Variants in UGT2A2 observed in about 807,000 individuals in gnomAD.
The protein encoded by UGT2A2 is UDP-glucuronosyltransferase 2A2.
In UGT2A2, 60 loss-of-function variants were observed where a neutral mutation model predicts 50.7. That is an observed-to-expected ratio of 1.18 (90% CI 0.96 to 1.47). UGT2A2 has a LOEUF of 1.47. Ranked by LOEUF, UGT2A2 falls within the 40% of genes most tolerant of loss-of-function variation. UGT2A2 has a pLI of 0.00. For missense variants in UGT2A2, 762 were observed against 634.0 expected, an observed-to-expected ratio of 1.20 and a Z score of -2.17; for synonymous variants, 242 against 214.6, an observed-to-expected ratio of 1.13 and a Z score of -1.11.
intron 1 of UGT2A2, among the ~76,000 whole-genome samples, chr4:69,609,439 A>T (rs1422101177): frequency 6.6e-6 from 1 of 152,016 alleles, no homozygotes; most frequent in East Asian, 1.9e-4. Flanking sequence ...GGCTCAAGTG[A>T]TATACCTTGG....
intron 1 of UGT2A2, among the ~76,000 whole-genome samples, chr4:69,611,253 C>A (rs1720027776): frequency 8.7e-6 from 1 of 115,596 alleles, no homozygotes; most frequent in Non-Finnish European, 1.9e-5. Flanking sequence ...TCAAGCAATC[C>A]TCCTACCTCA....
At chr4:69,595,047 G>A in intron 4 of UGT2A2, 115 bp downstream of exon 4, 2 of 1,367,134 alleles carry the variant, frequency 1.5e-6, no homozygotes, top group Non-Finnish European at 2.0e-6. Flanking sequence ...CTTTAAAATT[G>A]AGTGTCAAAT....
rs543997228 is a variant in UGT2A2, at chr4:69,588,452, T to C, written c.*920A>G. 87 of 152,246 alleles carry C rather than the reference T, an allele frequency of 5.7e-4. No homozygotes were observed. Among genetic ancestry groups the C allele is most frequent in the African/African-American group, 2.0e-3 (83 of 41,582 alleles). The allele number at this position is 152,246 out of a possible 1,614,324, so 9.4% of individuals were successfully genotyped here. A position where few individuals can be genotyped will look rare whatever the true frequency, so the allele number is the denominator to read the frequency against. On this transcript the variant is annotated 3_prime_UTR_variant, in exon 6 of 6. Coordinates refer to ENST00000604629, the MANE Select transcript of UGT2A2 (RefSeq NM_001105677.2). ...AGTAAGCATTTTTTATTTTTTGGCA[T>C]AAAATTAAACTTTTGATTACAAATA... is the stretch of plus-strand genomic sequence containing the variant.
chr4:69,608,612 G>A (rs1159874788), intron 1 of UGT2A2, among the ~76,000 whole-genome samples: 3 of 151,864 alleles, frequency 2.0e-5, no homozygotes, highest in African/African-American at 4.8e-5. Context: ...AGGGAGTCAG[G>A]GAAGAAGGAA....
intron 1 of UGT2A2, among the ~76,000 whole-genome samples, chr4:69,629,699 G>T (rs1432428333): frequency 6.6e-6 from 1 of 152,050 alleles, no homozygotes; most frequent in African/African-American, 2.4e-5. Flanking sequence ...TCTACTGGAA[G>T]AGGACCCCTG....
chr4:69,592,044 A>G lies in UGT2A2; in HGVS notation c.1332-2393T>C, dbSNP rs921202444. Among the ~76,000 whole-genome samples, 3 of 152,202 alleles carry G rather than the reference A, an allele frequency of 2.0e-5. No individual in the cohort carries two copies. The East Asian group carries it at 5.8e-4, about 29-fold the overall frequency. On this transcript the variant is annotated intron_variant, in intron 5 of 5. Transcript: ENST00000604629. ...TGGACAACCAGGGCTGAGTCTTGGTATGAATCTAAACCAACTGTTGAGTGT... is the reference window on the plus strand; with the variant it reads ...TGGACAACCAGGGCTGAGTCTTGGTGTGAATCTAAACCAACTGTTGAGTGT...
chr4:69,617,534 C>G (rs528439860), intron 1 of UGT2A2, among the ~76,000 whole-genome samples: 1 of 151,878 alleles, frequency 6.6e-6, no homozygotes, highest in Non-Finnish European at 1.5e-5. Flanking sequence ...AATATTGTAG[C>G]CATTCTCTAA....
intron 1 of UGT2A2, among the ~76,000 whole-genome samples, chr4:69,607,038 T>G (rs1422283464): frequency 7.5e-6 from 1 of 133,726 alleles, no homozygotes; most frequent in Non-Finnish European, 1.6e-5. Context: ...AAACTACCAA[T>G]GACTTTCTTC....
At chr4:69,615,155 A>C (rs1185617903) in intron 1 of UGT2A2, among the ~76,000 whole-genome samples, 1 of 151,976 alleles carries the variant, frequency 6.6e-6, no homozygotes, top group African/African-American at 2.4e-5. Context: ...CAGGAGACAA[A>C]CCATATCAAT....
chr4:69,619,412 C>T (rs1164429872), intron 1 of UGT2A2, among the ~76,000 whole-genome samples: 1 of 136,620 alleles, frequency 7.3e-6, no homozygotes, highest in Non-Finnish European at 1.6e-5. Flanking sequence ...TGCATACATA[C>T]ATAAATACAT....
intron 1 of UGT2A2, among the ~76,000 whole-genome samples, chr4:69,609,886 T>A (rs1719929644): frequency 6.6e-6 from 1 of 151,968 alleles, no homozygotes; most frequent in Admixed American, 6.6e-5. Context: ...TGGGGAAAAA[T>A]AAAAAGGAAA....
chr4:69,600,390 T>C (rs879357107), intron 1 of UGT2A2, among the ~76,000 whole-genome samples: 1 of 152,160 alleles, frequency 6.6e-6, no homozygotes, highest in African/African-American at 2.4e-5. Context: ...ACTCAGGTTG[T>C]GGTCACAGGT....
chr4:69,592,851 A>G (rs1718668852), intron 5 of UGT2A2, among the ~76,000 whole-genome samples: 1 of 152,134 alleles, frequency 6.6e-6, no homozygotes, highest in African/African-American at 2.4e-5. Context: ...ATAATTTTTT[A>G]TCTTAGATTA....
intron 5 of UGT2A2, among the ~76,000 whole-genome samples, chr4:69,590,797 A>G (rs1718554104): frequency 6.6e-6 from 1 of 152,172 alleles, no homozygotes; most frequent in Admixed American, 6.5e-5. Context: ...TTTCCTATAA[A>G]TGATGTGGGA....
At chr4:69,629,546 G>T (rs1266256536) in intron 1 of UGT2A2, among the ~76,000 whole-genome samples, 2 of 152,022 alleles carry the variant, frequency 1.3e-5, no homozygotes, top group Non-Finnish European at 2.9e-5. Context: ...GGGTAGCTGA[G>T]GTTAGTCAAA....
At chr4:69,601,633 A>G (rs1189636556) in intron 1 of UGT2A2, among the ~76,000 whole-genome samples, 3 of 152,094 alleles carry the variant, frequency 2.0e-5, no homozygotes, top group Admixed American at 6.6e-5. Flanking sequence ...CCAGTACGTT[A>G]CTACCACAGC....
chr4:69,626,022 A>G (rs1577984906), intron 1 of UGT2A2, among the ~76,000 whole-genome samples: 1 of 151,622 alleles, frequency 6.6e-6, no homozygotes, highest in South Asian at 2.1e-4. Context: ...TACTAATTCT[A>G]TCATGTATGT....
In UGT2A2 at chr4:69,589,624, T is replaced by G; in HGVS notation, c.1359A>C (p.Ser453=). The change falls in exon 6 of 6, where the codon TCA becomes TCC. Residue 453 remains serine, a synonymous_variant. Coordinates refer to ENST00000604629, the MANE Select transcript of UGT2A2 (RefSeq NM_001105677.2). ...TTACAGGTTGATCATGGTGAATTCT[T>G]GATAACCTCATAGCATTCTCTTTAT... is the stretch of plus-strand genomic sequence containing the variant. The part of the protein sequence containing the change: ...PSYKENAMRL[S]RIHHDQPVKP... 6.2e-7 allele frequency: 1 copy of G among 1,613,884 alleles called. No homozygotes were observed. Among genetic ancestry groups the G allele is most frequent in the Non-Finnish European group, 8.5e-7 (1 of 1,179,832 alleles).
intron 1 of UGT2A2, among the ~76,000 whole-genome samples, chr4:69,614,571 A>G (rs1191100559): frequency 6.6e-6 from 1 of 152,134 alleles, no homozygotes; most frequent in African/African-American, 2.4e-5. Context: ...ACTTCAAATT[A>G]TACTTCAAAG....
Sources: allele counts gnomAD v4.1 joint callset (sites outside exome capture counted in the v4.1 genomes callset), GRCh38; gene constraint gnomAD v4.1.1; transcripts MANE v1.5; gene names NCBI Gene and HGNC (gene_info 2026-07-23, HGNC 2026-07-21).